Variants in ZFYVE9 observed in about 807,000 individuals in gnomAD.
ZFYVE9 encodes the protein zinc finger FYVE domain-containing protein 9.
A neutral mutation model predicts 126.7 loss-of-function variants in ZFYVE9; 43 were observed. The ratio of observed to expected loss-of-function variants is 0.34; its 90% CI spans 0.27 to 0.44. The LOEUF (loss-of-function observed/expected upper bound fraction) is 0.44. Ranked by LOEUF, ZFYVE9 falls within the 20% of genes least tolerant of loss-of-function variation. ZFYVE9 has a pLI of 1.00. For synonymous variants in ZFYVE9, 521 were observed against 597.4 expected, an observed-to-expected ratio of 0.87 and a Z score of 1.87; for missense variants, 1,476 against 1,697.0, an observed-to-expected ratio of 0.87 and a Z score of 2.29.
At chr1:52,239,623 C>T (rs778471575) in intron 4 of ZFYVE9, 28 bp downstream of exon 4, 8 of 1,583,348 alleles carry the variant, frequency 5.1e-6, no homozygotes, top group East Asian at 2.3e-5. Context: ...ACTCAGAAAT[C>T]GGGCATGCAC....
intron 4 of ZFYVE9, among the ~76,000 whole-genome samples, chr1:52,248,396 GT>G (rs1176336623): frequency 6.6e-6 from 1 of 152,164 alleles, no homozygotes; most frequent in African/African-American, 2.4e-5. Context: ...TGCCTGCTTT[GT>G]TTTAGTGCAC....
At chr1:52,152,234 C>A (rs895523315) in intron 1 of ZFYVE9, among the ~76,000 whole-genome samples, 10 of 152,212 alleles carry the variant, frequency 6.6e-5, no homozygotes, top group Middle Eastern at 3.2e-3. Context: ...AGATGATCCA[C>A]CTGCCTCAGC....
intron 1 of ZFYVE9, among the ~76,000 whole-genome samples, chr1:52,155,524 ACGCCCGG>A (rs1558030441): frequency 6.6e-6 from 1 of 151,866 alleles, no homozygotes; most frequent in Non-Finnish European, 1.5e-5. Flanking sequence ...GTGAGCCACC[ACGCCCGG>A]CCACAGGAGC....
chr1:52,241,026 A>G (rs535223767), intron 4 of ZFYVE9, among the ~76,000 whole-genome samples: 1 of 152,280 alleles, frequency 6.6e-6, no homozygotes, highest in Non-Finnish European at 1.5e-5. Flanking sequence ...ATAAAATCAT[A>G]CTATATTTGG....
intron 1 of ZFYVE9, among the ~76,000 whole-genome samples, chr1:52,205,056 T>A (rs1644960561): frequency 6.6e-6 from 1 of 151,818 alleles, no homozygotes; most frequent in South Asian, 2.1e-4. Flanking sequence ...GGGTCAGGGT[T>A]TGTGCTGTGA....
chr1:52,246,159 G>C (rs1313980099), intron 4 of ZFYVE9, among the ~76,000 whole-genome samples: 6 of 152,044 alleles, frequency 3.9e-5, no homozygotes, highest in African/African-American at 1.4e-4. Context: ...AAAACTCCTG[G>C]GCTCTACTGA....
chr1:52,192,553 C>G (rs1644825371), intron 1 of ZFYVE9, among the ~76,000 whole-genome samples: 1 of 152,130 alleles, frequency 6.6e-6, no homozygotes, highest in Admixed American at 6.5e-5. Flanking sequence ...ATTCTCTTGG[C>G]AAAACAGTAG....
intron 13 of ZFYVE9, among the ~76,000 whole-genome samples, chr1:52,325,737 C>A (rs1369639596): frequency 1.3e-5 from 2 of 152,154 alleles, no homozygotes; most frequent in African/African-American, 4.8e-5. Context: ...ATGACAAAGG[C>A]CCTATGCTAA....
intron 1 of ZFYVE9, among the ~76,000 whole-genome samples, chr1:52,173,816 G>A (rs1460087505): frequency 6.6e-6 from 1 of 152,120 alleles, no homozygotes; most frequent in African/African-American, 2.4e-5. Context: ...TTCTCTGATG[G>A]TAGTTTGTAT....
At chr1:52,232,602 C>T (rs1400737299) in intron 2 of ZFYVE9, among the ~76,000 whole-genome samples, 2 of 151,892 alleles carry the variant, frequency 1.3e-5, no homozygotes, top group Non-Finnish European at 2.9e-5. Context: ...GTGGTGCTTG[C>T]CTGTAATCCC....
At chr1:52,256,496 G>C (rs1645521027) in intron 4 of ZFYVE9, among the ~76,000 whole-genome samples, 1 of 152,022 alleles carries the variant, frequency 6.6e-6, no homozygotes, top group Admixed American at 6.6e-5. Context: ...CCTTGCCTCA[G>C]CCTCTCAAGT....
In ZFYVE9 at chr1:52,230,237, T is replaced by G. The variant is rs532317476; in HGVS notation, c.-36-2934T>G. On this transcript the variant is annotated intron_variant, in intron 2 of 18. Coordinates refer to ENST00000287727, the MANE Select transcript of ZFYVE9 (RefSeq NM_004799.4). ...AAAAAACTCAGCAAAGCGAGAGGGG[T>G]TCCTGTTAACAGGCTCCCATCTCAC... Among the ~76,000 whole-genome samples the G allele has an allele frequency of 2.0e-5, 3 of 150,924 alleles. No homozygotes were observed. The South Asian group carries it at 6.3e-4, about 32-fold the overall frequency.
chr1:52,299,549 C>A (rs1157698876), intron 12 of ZFYVE9, among the ~76,000 whole-genome samples: 1 of 152,156 alleles, frequency 6.6e-6, no homozygotes, highest in African/African-American at 2.4e-5. Flanking sequence ...TCACATATGG[C>A]CTTTATTGTG....
At chr1:52,205,220 G>A (rs1180736882) in intron 1 of ZFYVE9, among the ~76,000 whole-genome samples, 3 of 151,642 alleles carry the variant, frequency 2.0e-5, no homozygotes, top group African/African-American at 4.8e-5. Context: ...GACTACAGCC[G>A]TGCACCACCA....
At chr1:52,205,818 T>C (rs1023347440) in intron 1 of ZFYVE9, among the ~76,000 whole-genome samples, 9 of 152,234 alleles carry the variant, frequency 5.9e-5, no homozygotes, top group African/African-American at 2.2e-4. Context: ...TACTCTTGGT[T>C]CACACAATTT....
intron 13 of ZFYVE9, among the ~76,000 whole-genome samples, chr1:52,315,186 T>G (rs1437868240): frequency 6.6e-6 from 1 of 152,200 alleles, no homozygotes; most frequent in Non-Finnish European, 1.5e-5. Context: ...CCCTGCACTT[T>G]GAGGGGCTGA....
At chr1:52,154,898 G>C (rs562043124) in intron 1 of ZFYVE9, among the ~76,000 whole-genome samples, 3 of 152,034 alleles carry the variant, frequency 2.0e-5, no homozygotes, top group Non-Finnish European at 4.4e-5. Context: ...CAAAACTTTG[G>C]CTTTTTTCTC....
intron 17 of ZFYVE9, among the ~76,000 whole-genome samples, chr1:52,344,304 T>C (rs1022663458): frequency 1.3e-5 from 2 of 152,210 alleles, no homozygotes; most frequent in African/African-American, 4.8e-5. Flanking sequence ...CTCTGTCTCT[T>C]AAATTCTTCT....
intron 1 of ZFYVE9, among the ~76,000 whole-genome samples, chr1:52,193,639 G>A (rs1644834888): frequency 7.1e-6 from 1 of 141,418 alleles, no homozygotes. Context: ...CCGGGAAGAA[G>A]GAGGTTGCAG....
Sources: allele counts gnomAD v4.1 joint callset (sites outside exome capture counted in the v4.1 genomes callset), GRCh38; gene constraint gnomAD v4.1.1; transcripts MANE v1.5; gene names NCBI Gene and HGNC (gene_info 2026-07-23, HGNC 2026-07-21).